JAKMIP2: variants seen among roughly 807,000 people sequenced by gnomAD.
JAKMIP2 encodes the protein janus kinase and microtubule interacting protein 2.
JAKMIP2 carries 25 observed loss-of-function variants against 115.0 expected under a neutral mutation model. The observed-to-expected ratio is 0.22, with a 90% CI of 0.16 to 0.30. The LOEUF (loss-of-function observed/expected upper bound fraction) is 0.30. Among genes scored for constraint, JAKMIP2 ranks in the 10% least tolerant of loss-of-function variants. The pLI is 1.00. For synonymous variants in JAKMIP2, 334 were observed against 343.6 expected, an observed-to-expected ratio of 0.97 and a Z score of 0.31; for missense variants, 642 against 957.6, an observed-to-expected ratio of 0.67 and a Z score of 4.35.
At chr5:147,643,167 C>T (rs1757962721) in intron 7 of JAKMIP2, among the ~76,000 whole-genome samples, 1 of 151,930 alleles carries the variant, frequency 6.6e-6, no homozygotes, top group South Asian at 2.1e-4. Flanking sequence ...TCTAGAGAGC[C>T]CTAATACAAT....
chr5:147,674,177 A>T (rs1357397541), intron 1 of JAKMIP2, among the ~76,000 whole-genome samples: 1 of 152,168 alleles, frequency 6.6e-6, no homozygotes, highest in African/African-American at 2.4e-5. Context: ...TGGCAAAACC[A>T]CATGTCCAAT....
At chr5:147,621,874 G>GTT (rs570772302) in intron 17 of JAKMIP2, among the ~76,000 whole-genome samples, 1 of 148,792 alleles carries the variant, frequency 6.7e-6, no homozygotes, top group African/African-American at 2.5e-5. Flanking sequence ...ATAAATTTCT[G>GTT]TTTTTTTTTT....
Position 147,588,942 on chromosome 5 carries a change from A to C in JAKMIP2, c.*2765T>G, listed in dbSNP as rs910841817. The C allele has an allele frequency of 1.3e-5, 2 of 152,186 alleles. No homozygotes were observed. Among genetic ancestry groups the C allele is most frequent in the African/African-American group, 4.8e-5 (2 of 41,454 alleles). 9.4% of individuals were successfully genotyped at this position (152,186 alleles called of 1,614,324 possible). A position where few individuals can be genotyped will look rare whatever the true frequency, so the allele number is the denominator to read the frequency against. On this transcript the variant is annotated 3_prime_UTR_variant, in exon 22 of 22. Transcript: ENST00000616793. The stretch of plus-strand genomic sequence containing the variant: ...GAAGGTGTGTGTTGGAGCAGACGGA[A>C]TATAGATTTACTCATATGGGCCCTG...
intron 1 of JAKMIP2, among the ~76,000 whole-genome samples, chr5:147,699,066 A>C (rs1359712476): frequency 1.3e-5 from 2 of 152,196 alleles, no homozygotes; most frequent in African/African-American, 4.8e-5. Flanking sequence ...TCTATCCCCC[A>C]GGCCTTTGCT....
Position 147,631,071 on chromosome 5 carries a change from A to G in JAKMIP2, c.1875+342T>C, listed in dbSNP as rs1757328413. Among the ~76,000 whole-genome samples, 8 of 152,300 alleles carry G rather than the reference A, an allele frequency of 5.3e-5. No homozygotes were observed. In the South Asian group the frequency reaches 1.7e-3, roughly 32 times the overall value. ...TCAACAAAGGGACTCAAACTTTTCT[A>G]TCTGGCAGACTTGAAATATATTTCT... On this transcript the variant is annotated intron_variant, in intron 14 of 21. Transcript: ENST00000616793.
At chr5:147,710,636 G>A (rs1344786) in intron 1 of JAKMIP2, among the ~76,000 whole-genome samples, 16,162 of 152,084 alleles carry the variant, frequency 0.11, 1,474 homozygotes, top group East Asian at 0.34. Context: ...GATAATATAT[G>A]TGAAAGCAGT....
At chr5:147,665,999 C>A (rs955349897) in intron 2 of JAKMIP2, among the ~76,000 whole-genome samples, 1 of 152,080 alleles carries the variant, frequency 6.6e-6, no homozygotes, top group Non-Finnish European at 1.5e-5. Context: ...AAGACAAAAA[C>A]AAAAACAAAC....
At chr5:147,664,267 T>G (rs964429989) in intron 2 of JAKMIP2, among the ~76,000 whole-genome samples, 6 of 152,184 alleles carry the variant, frequency 3.9e-5, no homozygotes, top group Non-Finnish European at 7.3e-5. Context: ...ATTCTCTTAG[T>G]AAAGCTCAGT....
intron 11 of JAKMIP2, among the ~76,000 whole-genome samples, chr5:147,636,742 T>C (rs545598674): frequency 9.7e-4 from 147 of 152,308 alleles, no homozygotes; most frequent in Non-Finnish European, 1.5e-3. Flanking sequence ...CCTCTGGCAT[T>C]CTCTCTCTTG....
intron 1 of JAKMIP2, among the ~76,000 whole-genome samples, chr5:147,690,253 A>G (rs1760764538): frequency 6.6e-6 from 1 of 152,040 alleles, no homozygotes; most frequent in African/African-American, 2.4e-5. Context: ...GAATCACTTG[A>G]GCCCAGAAGG....
chr5:147,629,656 C>G, intron 15 of JAKMIP2, 37 bp downstream of exon 15: 1 of 1,534,738 alleles, frequency 6.5e-7, no homozygotes, highest in Admixed American at 1.7e-5. Flanking sequence ...TCTGTTTAGG[C>G]AAATTCATAT....
intron 5 of JAKMIP2, among the ~76,000 whole-genome samples, chr5:147,645,368 A>G (rs941104753): frequency 2.6e-5 from 4 of 152,154 alleles, no homozygotes; most frequent in African/African-American, 9.7e-5. Flanking sequence ...GCATTAGCTC[A>G]GAGATAAAGG....
At chr5:147,664,448 G>A (rs1432233391) in intron 2 of JAKMIP2, among the ~76,000 whole-genome samples, 1 of 152,032 alleles carries the variant, frequency 6.6e-6, no homozygotes, top group Non-Finnish European at 1.5e-5. Context: ...TAGGTGGGGG[G>A]GATTATGCTA....
At chr5:147,737,340 T>C (rs1344274459) in intron 1 of JAKMIP2, among the ~76,000 whole-genome samples, 1 of 152,188 alleles carries the variant, frequency 6.6e-6, no homozygotes, top group Non-Finnish European at 1.5e-5. Context: ...TCAAGTACTT[T>C]TTCCTATAGA....
In JAKMIP2 at chr5:147,623,681, C is replaced by T; in HGVS notation, c.2004G>A (p.Gln668=). The change falls in exon 17 of 22, where the codon CAG becomes CAA. Residue 668 remains glutamine (Q), a synonymous_variant. Transcript: ENST00000616793. Reference sequence around the variant, plus strand: ...GGGCAGCCTCAGCTCCTTCAATCTGCTGGATCCACTAAGGGGTTAACAAGA... The same window carrying T: ...GGGCAGCCTCAGCTCCTTCAATCTGTTGGATCCACTAAGGGGTTAACAAGA... ...TVLSLAEKWI[Q]QIEGAEAALH... is the part of the protein sequence containing the mutation. 6.2e-7 allele frequency: 1 copy of T among 1,610,218 alleles called. No homozygotes were observed. The highest frequency in any genetic ancestry group is 8.5e-7 in the Non-Finnish European group (1 of 1,176,446).
At chr5:147,636,903 G>C in intron 11 of JAKMIP2, 62 bp downstream of exon 11, 2 of 866,840 alleles carry the variant, frequency 2.3e-6, no homozygotes, top group South Asian at 2.6e-5. Context: ...GCACAGGTGA[G>C]CTACAGGAAG....
At chr5:147,766,960 CAAA>C (rs957153390) in intron 1 of JAKMIP2, among the ~76,000 whole-genome samples, 23 of 152,156 alleles carry the variant, frequency 1.5e-4, no homozygotes, top group African/African-American at 5.5e-4. Context: ...TTAAATAAAC[CAAA>C]AACCTCTCAA....
intron 1 of JAKMIP2, among the ~76,000 whole-genome samples, chr5:147,726,561 A>T (rs984778731): frequency 1.3e-5 from 2 of 152,232 alleles, no homozygotes; most frequent in Admixed American, 1.3e-4. Flanking sequence ...GGTACGTCTG[A>T]AGCTGTAGCA....
chr5:147,701,840 C>G (rs1752337436), intron 1 of JAKMIP2, among the ~76,000 whole-genome samples: 1 of 152,154 alleles, frequency 6.6e-6, no homozygotes, highest in Non-Finnish European at 1.5e-5. Flanking sequence ...AGCCTCAAAA[C>G]TGTGAGCAAT....
Sources: allele counts gnomAD v4.1 joint callset (sites outside exome capture counted in the v4.1 genomes callset), GRCh38; gene constraint gnomAD v4.1.1; transcripts MANE v1.5; gene names NCBI Gene and HGNC (gene_info 2026-07-23, HGNC 2026-07-21).